The following PRKCD variants were observed in gnomAD, a reference collection of about 807,000 sequenced individuals.
The protein encoded by PRKCD is protein kinase C delta.
A neutral mutation model predicts 82.2 loss-of-function variants in PRKCD; 20 were observed. That is an observed-to-expected ratio of 0.24 (90% confidence interval 0.17 to 0.35). The LOEUF (loss-of-function observed/expected upper bound fraction) is 0.35. Among genes scored for constraint, PRKCD ranks in the 10% least tolerant of loss-of-function variants. The pLI is 1.00. For missense variants in PRKCD, 607 were observed against 899.0 expected (o/e 0.68, Z 4.15); for synonymous variants, 317 against 337.0 (o/e 0.94, Z 0.65).
intron 16 of PRKCD, 70 bp downstream of exon 16, chr3:53,188,928 A>G: frequency 6.3e-7 from 1 of 1,598,800 alleles, no homozygotes; most frequent in Admixed American, 1.7e-5. Context: ...CCAGGGAAGG[A>G]TTCCCAAGGG....
At chr3:53,187,043 C>T (rs1486574277) in intron 14 of PRKCD, among the ~76,000 whole-genome samples, 1 of 152,104 alleles carries the variant, frequency 6.6e-6, no homozygotes, top group Non-Finnish European at 1.5e-5. Context: ...TGCCCCTTAC[C>T]CCAAACTAAC....
rs182026070 is a variant in PRKCD, at chr3:53,191,280, C to T, written c.1873-828C>T. On this transcript the variant is annotated intron_variant, in intron 18 of 18. Transcript: ENST00000330452. ...AAAATTAGCCGGGTACGGTGGTGCA[C>T]ACCTGTAATCCCAGCTACTCAGGAG... 4.1e-3 allele frequency among the ~76,000 whole-genome samples: 619 copies of T among 152,234 alleles called. 4 individuals carry two copies. Among genetic ancestry groups the T allele is most frequent in the African/African-American group, 0.014 (593 of 41,528 alleles).
At chr3:53,187,086 C>G (rs1316221176) in intron 14 of PRKCD, among the ~76,000 whole-genome samples, 1 of 151,716 alleles carries the variant, frequency 6.6e-6, no homozygotes, top group Non-Finnish European at 1.5e-5. Flanking sequence ...TGCATGCATG[C>G]AAACACATAT....
intron 2 of PRKCD, among the ~76,000 whole-genome samples, chr3:53,174,664 A>G (rs1703156171): frequency 6.6e-6 from 1 of 152,148 alleles, no homozygotes; most frequent in African/African-American, 2.4e-5. Context: ...CAGTGATGGA[A>G]GAAGATGTGG....
chr3:53,192,545 A>G lies in PRKCD; in HGVS notation c.*279A>G, dbSNP rs1448603690. The G allele has an allele frequency of 1.1e-5, 2 of 184,484 alleles. No homozygotes were observed. Among genetic ancestry groups the G allele is most frequent in the African/African-American group, 4.7e-5 (2 of 42,394 alleles). 11.4% of individuals were successfully genotyped at this position (184,484 alleles called of 1,614,324 possible). On this transcript the variant is annotated 3_prime_UTR_variant, in exon 19 of 19. Coordinates refer to ENST00000330452, the MANE Select transcript of PRKCD (RefSeq NM_006254.4). ...ATATATTATATACATAGACATATAT[A>G]TATATATAATAGGCTGTATATATTG... is the stretch of plus-strand genomic sequence containing the variant.
chr3:53,169,162 A>T lies in PRKCD; in HGVS notation c.-20+3947A>T, dbSNP rs1311359506. On this transcript the variant is annotated intron_variant, in intron 2 of 18. Coordinates refer to ENST00000330452, the MANE Select transcript of PRKCD (RefSeq NM_006254.4). This position sits in a 1 kb window ranked among gnomAD's most constrained non-coding sequence, Gnocchi z 4.7. ...CCTGAGCCACTGCCTGAGCTCGTGC[A>T]CTCCTAGTGGATGAGGAGCGCTGGG... Among the ~76,000 whole-genome samples, 1 of 151,630 alleles carries T rather than the reference A, an allele frequency of 6.6e-6. No homozygotes were observed. The highest frequency in any genetic ancestry group is 1.5e-5 in the Non-Finnish European group (1 of 67,934).
chr3:53,183,482 C>A lies in PRKCD; in HGVS notation c.688C>A (p.Pro230Thr), dbSNP rs1553668242. The part of the protein sequence containing the change: ...FQKERFNIDM[P>T]HRFKVHNYMS... ...GAAAGAACGCTTCAACATCGACATG[C>A]CGCACCGCTTCAAGGTTCACAACTA... Residue 230 changes from proline to threonine, a missense_variant, in exon 9 of 19, where the codon CCG becomes ACG. Physicochemically the swap from Pro to Thr is conservative, Grantham distance 38. This residue lies in a region of PRKCD where 109 missense variants were observed against 155.6 expected (regional missense o/e 0.70). Coordinates refer to ENST00000330452, the MANE Select transcript of PRKCD (RefSeq NM_006254.4). 6.2e-7 allele frequency: 1 copy of A among 1,614,228 alleles called. No individual in the cohort carries two copies. The highest frequency in any genetic ancestry group is 8.5e-7 in the Non-Finnish European group (1 of 1,180,030).
At chr3:53,183,423 C>A in intron 8 of PRKCD, 29 bp from the exon 9 acceptor site, 2 of 1,613,004 alleles carry the variant, frequency 1.2e-6, no homozygotes, top group Non-Finnish European at 1.7e-6. Context: ...TGGCACGTGA[C>A]CCTCAGCCTG....
At chr3:53,180,078 G>A (rs1696975080) in intron 4 of PRKCD, among the ~76,000 whole-genome samples, 1 of 152,242 alleles carries the variant, frequency 6.6e-6, no homozygotes. Context: ...GCAGCTGGAT[G>A]TACAGGGCTT....
At chr3:53,185,769 C>G (rs1553668884) in intron 11 of PRKCD, 69 bp downstream of exon 11, 1 of 1,555,592 alleles carries the variant, frequency 6.4e-7, no homozygotes, top group East Asian at 2.2e-5. Context: ...GGACTGTCCT[C>G]CCTTCCATTG....
chr3:53,165,301 A>G (rs1437784873), intron 2 of PRKCD, 86 bp downstream of exon 2: 3 of 152,460 alleles, frequency 2.0e-5, no homozygotes, highest in African/African-American at 7.3e-5. Context: ...GTGGAACTGG[A>G]TGGGGTTGGG....
chr3:53,187,428 T>C (rs782725316), intron 15 of PRKCD, 26 bp downstream of exon 15: 21 of 1,611,544 alleles, frequency 1.3e-5, no homozygotes, highest in Non-Finnish European at 1.8e-5. Context: ...CAGCGGGGGC[T>C]CTTGGGAGGG....
chr3:53,186,933 G>A (rs553258560), intron 14 of PRKCD, among the ~76,000 whole-genome samples: 16 of 152,300 alleles, frequency 1.1e-4, no homozygotes, highest in East Asian at 3.9e-4. Context: ...TGGCCGCTCC[G>A]TGGGCCACAG....
At chr3:53,171,423 C>T (rs1553664901) in intron 2 of PRKCD, among the ~76,000 whole-genome samples, 1 of 152,220 alleles carries the variant, frequency 6.6e-6, no homozygotes, top group Non-Finnish European at 1.5e-5. Flanking sequence ...GGCCATTATG[C>T]TCCTGCTGAC....
intron 14 of PRKCD, 64 bp from the exon 15 acceptor site, chr3:53,187,276 C>T: frequency 6.3e-7 from 1 of 1,582,242 alleles, no homozygotes; most frequent in Non-Finnish European, 8.7e-7. Flanking sequence ...GGTTGAGGGC[C>T]CGAGGAGAAG....
chr3:53,178,146 C>T (rs1553666272), intron 2 of PRKCD, among the ~76,000 whole-genome samples: 3 of 152,136 alleles, frequency 2.0e-5, no homozygotes, highest in African/African-American at 7.2e-5. Context: ...CCATGTTGGT[C>T]AGGCTGGTCT....
At chr3:53,183,856 C>CA (rs1553668347) in intron 9 of PRKCD, among the ~76,000 whole-genome samples, 1 of 152,238 alleles carries the variant, frequency 6.6e-6, no homozygotes, top group Non-Finnish European at 1.5e-5. Context: ...GGCCAGTGGG[C>CA]AGAGGGTGCT....
chr3:53,171,603 G>T (rs1320441066), intron 2 of PRKCD, among the ~76,000 whole-genome samples: 4 of 152,236 alleles, frequency 2.6e-5, no homozygotes, highest in Admixed American at 6.5e-5. Flanking sequence ...AAGTTCCATG[G>T]GCCTGGTGTG....
chr3:53,183,235 G>C, intron 8 of PRKCD, 29 bp downstream of exon 8: 1 of 1,610,660 alleles, frequency 6.2e-7, no homozygotes, highest in Non-Finnish European at 8.5e-7. Flanking sequence ...CAGGGCTGGG[G>C]ATCTGGGGGG....
Sources: gnomAD v4.1 joint callset for allele counts (sites outside exome capture counted in the v4.1 genomes callset) on GRCh38, gnomAD v4.1.1 for gene constraint, gnomAD v4.1.1 regional missense constraint, Gnocchi (gnomAD v3.1) non-coding constraint, MANE v1.5 for transcripts, NCBI Gene and HGNC (gene_info 2026-07-23, HGNC 2026-07-21) for gene names.